The following UPB1 variants were observed in gnomAD, a reference collection of about 807,000 sequenced individuals.
The protein encoded by UPB1 is beta-ureidopropionase.
A neutral mutation model predicts 49.1 loss-of-function variants in UPB1; 40 were observed. That is an observed-to-expected ratio of 0.81 (90% CI 0.63 to 1.06). The LOEUF (loss-of-function observed/expected upper bound fraction) is 1.06, where lower values mean the gene tolerates loss of function less well. Among genes scored for constraint, UPB1 ranks in the 50% least tolerant of loss-of-function variants. The pLI, the probability that UPB1 is intolerant of heterozygous loss-of-function variation, is 0.00. For missense variants in UPB1, 499 were observed against 505.9 expected, an observed-to-expected ratio of 0.99 and a Z score of 0.13; for synonymous variants, 207 against 198.2, an observed-to-expected ratio of 1.04 and a Z score of -0.38.
At chr22:24,502,612 GT>G in intron 3 of UPB1, 2 of 704,234 alleles carry the variant, frequency 2.8e-6, no homozygotes, top group Non-Finnish European at 5.2e-6. Flanking sequence ...TACCTTTGTG[GT>G]TTTTATTTTT....
intron 1 of UPB1, among the ~76,000 whole-genome samples, chr22:24,498,176 G>C (rs1329791453): frequency 6.6e-6 from 1 of 152,102 alleles, no homozygotes; most frequent in East Asian, 1.9e-4. Flanking sequence ...ATGCCCTCTT[G>C]GTCTTTTAAA....
chr22:24,521,521 T>C (rs1484844644), intron 7 of UPB1, among the ~76,000 whole-genome samples: 1 of 152,052 alleles, frequency 6.6e-6, no homozygotes, highest in Non-Finnish European at 1.5e-5. Context: ...AGAAACCTGA[T>C]GTTTTAGTTA....
intron 1 of UPB1, among the ~76,000 whole-genome samples, chr22:24,497,800 T>C (rs1294765286): frequency 6.6e-6 from 1 of 152,204 alleles, no homozygotes; most frequent in Non-Finnish European, 1.5e-5. Context: ...TCCCTGTACT[T>C]GTGGGCAATC....
chr22:24,523,895 C>G, intron 9 of UPB1, 122 bp downstream of exon 9: 1 of 1,436,478 alleles, frequency 7.0e-7, no homozygotes, highest in Non-Finnish European at 9.7e-7. Context: ...CCTGAGGGCT[C>G]TGTGTGAGCT....
At chr22:24,515,124 G>T in intron 5 of UPB1, 77 bp from the exon 6 acceptor site, 6 of 1,577,314 alleles carry the variant, frequency 3.8e-6, no homozygotes, top group South Asian at 1.1e-5. Context: ...GACTATTGGT[G>T]ATATTTCAGT....
At chr22:24,500,479 T>C (rs975941324) in intron 2 of UPB1, among the ~76,000 whole-genome samples, 1 of 152,240 alleles carries the variant, frequency 6.6e-6, no homozygotes, top group African/African-American at 2.4e-5. Flanking sequence ...GTTCTTATTC[T>C]GTCTCTCCCT....
chr22:24,505,580 C>G (rs1372956290), intron 3 of UPB1, among the ~76,000 whole-genome samples: 1 of 152,252 alleles, frequency 6.6e-6, no homozygotes, highest in Admixed American at 6.5e-5. Flanking sequence ...TGCCCTGCTC[C>G]AAAGCCAGAG....
At chr22:24,496,516 A>G (rs1445180461) in intron 1 of UPB1, among the ~76,000 whole-genome samples, 1 of 152,112 alleles carries the variant, frequency 6.6e-6, no homozygotes, top group Non-Finnish European at 1.5e-5. Flanking sequence ...CCCTTTTTCC[A>G]AATAAAATCA....
At chr22:24,510,090 G>A (rs527967853) in intron 3 of UPB1, among the ~76,000 whole-genome samples, 1 of 152,232 alleles carries the variant, frequency 6.6e-6, no homozygotes, top group African/African-American at 2.4e-5. Flanking sequence ...AAATTAGCCA[G>A]GCATGGTGGC....
intron 1 of UPB1, 137 bp downstream of exon 1, chr22:24,495,644 A>G (rs1319519743): frequency 1.4e-5 from 13 of 915,852 alleles, no homozygotes; most frequent in Non-Finnish European, 2.1e-5. Flanking sequence ...GGCAGAGACC[A>G]TAGTAGGTCT....
intron 6 of UPB1, among the ~76,000 whole-genome samples, chr22:24,517,505 G>A (rs1450047766): frequency 6.6e-6 from 1 of 152,226 alleles, no homozygotes; most frequent in East Asian, 1.9e-4. Flanking sequence ...TCTGGCTTCT[G>A]GGCCAGGGCA....
intron 4 of UPB1, among the ~76,000 whole-genome samples, chr22:24,511,302 A>G (rs1055626348): frequency 3.9e-5 from 6 of 152,202 alleles, no homozygotes; most frequent in African/African-American, 1.4e-4. Flanking sequence ...ATATTGTATG[A>G]TCCCATTTAT....
chr22:24,500,565 T>C (rs894778326), intron 2 of UPB1, among the ~76,000 whole-genome samples: 1 of 152,248 alleles, frequency 6.6e-6, no homozygotes, highest in African/African-American at 2.4e-5. Flanking sequence ...GGTGCCCTTT[T>C]GGCCTGCTCG....
intron 1 of UPB1, among the ~76,000 whole-genome samples, chr22:24,499,173 G>A (rs2043944259): frequency 6.6e-6 from 1 of 152,176 alleles, no homozygotes; most frequent in Admixed American, 6.5e-5. Flanking sequence ...GGCGGCGACA[G>A]GGGGCTTGGG....
intron 2 of UPB1, among the ~76,000 whole-genome samples, chr22:24,500,989 A>G (rs1016626645): frequency 6.6e-5 from 10 of 152,322 alleles, no homozygotes; most frequent in Non-Finnish European, 5.9e-5. Flanking sequence ...GTTCTGCATC[A>G]TCATTCACAT....
intron 5 of UPB1, among the ~76,000 whole-genome samples, 175 bp downstream of exon 5, chr22:24,513,660 A>G (rs1293263412): frequency 6.6e-6 from 1 of 152,182 alleles, no homozygotes; most frequent in Non-Finnish European, 1.5e-5. Flanking sequence ...ACATTGCCCT[A>G]TATCACACAG....
At chr22:24,501,708 A>T (rs1189469732) in intron 2 of UPB1, among the ~76,000 whole-genome samples, 2 of 152,240 alleles carry the variant, frequency 1.3e-5, no homozygotes, top group Non-Finnish European at 2.9e-5. Context: ...AGATGCACAC[A>T]GGATAAGTAG....
At position 24,525,869 on chromosome 22, in the gene UPB1, ATGTCCAGGTTCTCCCCAATAACAT is replaced by A. The variant is rs2044474840; in HGVS notation, c.*86_*109del. The A allele has an allele frequency of 1.9e-6, 3 of 1,566,360 alleles. No individual in the cohort carries two copies. Among genetic ancestry groups the A allele is most frequent in the Non-Finnish European group, 2.6e-6 (3 of 1,137,576 alleles). On this transcript the variant is annotated 3_prime_UTR_variant, in exon 10 of 10. Coordinates refer to ENST00000326010, the MANE Select transcript of UPB1 (RefSeq NM_016327.3). ...GATTAGCAAGTGTGGCAGGCTTAACATGTCCAGGTTCTCCCCAATAACATTGTCCAGGTTGGTTTTAAAATTCCC... is the reference window on the plus strand; with the variant it reads ...GATTAGCAAGTGTGGCAGGCTTAACATGTCCAGGTTGGTTTTAAAATTCCC...
intron 4 of UPB1, among the ~76,000 whole-genome samples, chr22:24,511,735 T>C (rs1180415115): frequency 6.6e-6 from 1 of 151,150 alleles, no homozygotes; most frequent in Non-Finnish European, 1.5e-5. Context: ...TGCCTCAGCC[T>C]CCGGAGTAGC....
Sources: allele counts gnomAD v4.1 joint callset (sites outside exome capture counted in the v4.1 genomes callset), GRCh38; gene constraint gnomAD v4.1.1; transcripts MANE v1.5; gene names NCBI Gene and HGNC (gene_info 2026-07-23, HGNC 2026-07-21).